Variants in AUTS2 observed in about 807,000 individuals in gnomAD.
AUTS2 encodes the protein autism susceptibility gene 2 protein.
A neutral mutation model predicts 112.4 loss-of-function variants in AUTS2; 17 were observed. The ratio of observed to expected loss-of-function variants is 0.15; its 90% CI spans 0.10 to 0.23. The LOEUF is 0.23. Among genes scored for constraint, AUTS2 ranks in the 10% least tolerant of loss-of-function variants. The pLI, the probability that AUTS2 is intolerant of heterozygous loss-of-function variation, is 1.00. For synonymous variants in AUTS2, 751 were observed against 702.7 expected (o/e 1.07, Z -1.09); for missense variants, 1,510 against 1,701.6 (o/e 0.89, Z 1.98).
chr7:70,184,694 T>C (rs1364009168), intron 4 of AUTS2, among the ~76,000 whole-genome samples: 1 of 152,178 alleles, frequency 6.6e-6, no homozygotes, highest in Admixed American at 6.5e-5. Context: ...CCAAAGGATG[T>C]CTCAAACCAA....
chr7:69,938,571 A>G (rs570563940), intron 2 of AUTS2, among the ~76,000 whole-genome samples: 1 of 152,236 alleles, frequency 6.6e-6, no homozygotes, highest in Non-Finnish European at 1.5e-5. Flanking sequence ...CCAAAACTAA[A>G]CATGAATGAA....
intron 6 of AUTS2, among the ~76,000 whole-genome samples, chr7:70,721,279 CGTGTGTGTGT>C (rs55885084): frequency 2.9e-5 from 4 of 140,050 alleles, no homozygotes; most frequent in South Asian, 2.4e-4. Flanking sequence ...GAATTTCATT[CGTGTGTGTGT>C]GTGTGTGTGT....
chr7:70,578,000 T>G (rs540042688), intron 5 of AUTS2, among the ~76,000 whole-genome samples: 4 of 152,062 alleles, frequency 2.6e-5, no homozygotes, highest in South Asian at 2.1e-4. Flanking sequence ...CCGGCTAATT[T>G]TTTGTATTTT....
chr7:70,382,185 C>A (rs928464242), intron 4 of AUTS2, among the ~76,000 whole-genome samples: 1 of 152,168 alleles, frequency 6.6e-6, no homozygotes, highest in African/African-American at 2.4e-5. Flanking sequence ...GCCTGAAGAT[C>A]GTCATTGGCT....
intron 10 of AUTS2, among the ~76,000 whole-genome samples, chr7:70,768,831 G>GCAT (rs1790111288): frequency 7.5e-6 from 1 of 133,030 alleles, no homozygotes; most frequent in Admixed American, 7.7e-5. Context: ...GGTGAATACT[G>GCAT]CATCATTTTT....
intron 2 of AUTS2, among the ~76,000 whole-genome samples, chr7:70,073,051 C>G (rs1260324381): frequency 4.0e-5 from 5 of 124,470 alleles, no homozygotes; most frequent in Non-Finnish European, 8.5e-5. Context: ...CCTCCCCTCT[C>G]CTCCCCTCCC....
At chr7:69,876,374 A>G (rs1472349097) in intron 1 of AUTS2, among the ~76,000 whole-genome samples, 2 of 115,828 alleles carry the variant, frequency 1.7e-5, no homozygotes, top group African/African-American at 6.6e-5. Context: ...ATATATATAT[A>G]TATATATATG....
intron 2 of AUTS2, among the ~76,000 whole-genome samples, chr7:70,110,257 A>G (rs1584736837): frequency 6.6e-6 from 1 of 152,218 alleles, no homozygotes; most frequent in African/African-American, 2.4e-5. Context: ...GGCTCACGCC[A>G]GTAATCCCAA....
chr7:70,294,448 A>C (rs537630138), intron 4 of AUTS2, among the ~76,000 whole-genome samples: 48 of 152,238 alleles, frequency 3.2e-4, no homozygotes, highest in Middle Eastern at 3.4e-3. Context: ...GGTTTTAACT[A>C]CTGGTTCTTT....
intron 6 of AUTS2, among the ~76,000 whole-genome samples, chr7:70,723,371 T>C (rs1243673319): frequency 6.6e-6 from 1 of 152,092 alleles, no homozygotes; most frequent in Non-Finnish European, 1.5e-5. Flanking sequence ...CCCAAGACCT[T>C]GAAGATGGGA....
intron 4 of AUTS2, among the ~76,000 whole-genome samples, chr7:70,333,209 CT>C (rs1161161420): frequency 6.6e-6 from 1 of 152,090 alleles, no homozygotes; most frequent in Non-Finnish European, 1.5e-5. Context: ...ATGAAAAAAA[CT>C]CATCATCACT....
At position 69,599,838 on chromosome 7, in the gene AUTS2, C is replaced by T. The variant is rs750105505; in HGVS notation, c.185C>T (p.Pro62Leu). The change falls in exon 1 of 19, where the codon CCC becomes CTC. Residue 62 changes from proline (P) to leucine (L), a missense_variant. Around this residue, in one of 3 missense-constraint regions of AUTS2, gnomAD observed 535 missense variants for 594.3 expected, o/e 0.90. Coordinates refer to ENST00000342771, the MANE Select transcript of AUTS2 (RefSeq NM_015570.4). The surrounding 1 kb of genome is among the most constrained non-coding windows in gnomAD (Gnocchi z 7.0). ...TCCGACAAGGAAGACAATGGGAAGC[C>T]CCCGTCCTCCGCCCCGTCCCGGCCC... ...SGSDKEDNGK[P>L]PSSAPSRPRP... The T allele has an allele frequency of 4.5e-5, 72 of 1,611,802 alleles. No individual in the cohort carries two copies. The highest frequency in any genetic ancestry group is 5.0e-5 in the Non-Finnish European group (59 of 1,179,392).
At chr7:69,653,843 C>T (rs1584014658) in intron 1 of AUTS2, among the ~76,000 whole-genome samples, 1 of 152,104 alleles carries the variant, frequency 6.6e-6, no homozygotes, top group Non-Finnish European at 1.5e-5. Context: ...TCTGCATCAG[C>T]CCAGCTTTGT....
intron 5 of AUTS2, among the ~76,000 whole-genome samples, chr7:70,689,775 CAAAAAAAAAA>C (rs60869776): frequency 4.0e-5 from 3 of 74,702 alleles, no homozygotes; most frequent in Non-Finnish European, 7.7e-5. Context: ...GACTCCGTCT[CAAAAAAAAAA>C]AAAAAAAAAA....
At chr7:70,159,886 G>A (rs1210028240) in intron 4 of AUTS2, among the ~76,000 whole-genome samples, 1 of 151,978 alleles carries the variant, frequency 6.6e-6, no homozygotes, top group Non-Finnish European at 1.5e-5. Flanking sequence ...TTTATTTATT[G>A]TTTTTATCAT....
At chr7:69,757,148 G>C (rs998688791) in intron 1 of AUTS2, among the ~76,000 whole-genome samples, 1 of 152,122 alleles carries the variant, frequency 6.6e-6, no homozygotes, top group East Asian at 1.9e-4. Flanking sequence ...TTCAGTAAAT[G>C]CTTCTTCAAC....
chr7:70,316,399 ATT>A (rs398005114), intron 4 of AUTS2, among the ~76,000 whole-genome samples: 14,941 of 92,080 alleles, frequency 0.16, 602 homozygotes, highest in Middle Eastern at 0.32. Flanking sequence ...CCAGGTCTCT[ATT>A]TTTTTTTTTT....
At chr7:69,625,554 A>G (rs1793904943) in intron 1 of AUTS2, among the ~76,000 whole-genome samples, 1 of 151,938 alleles carries the variant, frequency 6.6e-6, no homozygotes, top group African/African-American at 2.4e-5. Flanking sequence ...AAAAAACATG[A>G]CGGATTTCGA....
intron 5 of AUTS2, among the ~76,000 whole-genome samples, chr7:70,528,103 T>TA (rs1554421902): frequency 1.1e-4 from 12 of 109,616 alleles, no homozygotes; most frequent in African/African-American, 3.7e-4. Context: ...ATTTTTTTTT[T>TA]TTTTTTTTTT....
Sources: gnomAD v4.1 joint callset for allele counts (sites outside exome capture counted in the v4.1 genomes callset) on GRCh38, gnomAD v4.1.1 for gene constraint, gnomAD v4.1.1 regional missense constraint, Gnocchi (gnomAD v3.1) non-coding constraint, MANE v1.5 for transcripts, NCBI Gene and HGNC (gene_info 2026-07-23, HGNC 2026-07-21) for gene names.